The following MYO15B variants were observed in gnomAD, a reference collection of about 807,000 sequenced individuals.
MYO15B encodes myosin XVB pseudogene.
In MYO15B, 207 loss-of-function variants were observed where a neutral mutation model predicts 119.3. The observed-to-expected ratio is 1.73, with a 90% CI of 1.55 to 1.95. The LOEUF is 1.95. Among genes scored for constraint, MYO15B ranks in the 30% most tolerant of loss-of-function variants. The pLI is 0.00. For missense variants in MYO15B, 2,264 were observed against 1,203.1 expected (o/e 1.88, Z -13.04); for synonymous variants, 966 against 498.9 (o/e 1.94, Z -12.48).
In MYO15B at chr17:75,605,857, C is replaced by A; in HGVS notation, c.4135-7C>A. On this transcript the variant is annotated splice_polypyrimidine_tract_variant and splice_region_variant and intron_variant, in intron 20 of 63. Transcript: ENST00000645453. The stretch of plus-strand genomic sequence containing the variant: ...CTCCTGCCTACAGCCCACCCCTCTA[C>A]CCACAGGTCCTGCTGCAGGAGCAGG... 1 of 688,700 alleles carries A rather than the reference C, an allele frequency of 1.5e-6. No individual in the cohort carries two copies. Among genetic ancestry groups the A allele is most frequent in the South Asian group, 1.5e-5 (1 of 66,196 alleles). The allele number at this position is 688,700 out of a possible 1,614,324, so 42.7% of individuals were successfully genotyped here. A position where few individuals can be genotyped will look rare whatever the true frequency, so the allele number is the denominator to read the frequency against.
chr17:75,594,106 A>AG lies in MYO15B; in HGVS notation c.2992-369_2992-368insG, dbSNP rs1555674121. On this transcript the variant is annotated intron_variant, in intron 9 of 63. Transcript: ENST00000645453. ...CCCTGTCTCAAAAAAAAAAAAAAAG[A>AG]AAAAAAAAAATCAAACGAGCAGCTG... 3.4e-4 allele frequency among the ~76,000 whole-genome samples: 11 copies of AG among 32,328 alleles called. 1 individual carries two copies. Among genetic ancestry groups the AG allele is most frequent in the Middle Eastern group, 0.021 (1 of 48 alleles). The allele number at this position is 32,328 out of a possible 152,430, so 21.2% of individuals were successfully genotyped here.
Position 75,610,915 on chromosome 17 carries a change from G to A in MYO15B, c.4402G>A (p.Gly1468Ser), listed in dbSNP as rs770091812. The A allele has an allele frequency of 8.0e-5, 56 of 702,956 alleles. No individual in the cohort carries two copies. The Admixed American group carries it at 1.1e-3, about 14-fold the overall frequency. The allele number at this position is 702,956 out of a possible 1,614,324, so 43.5% of individuals were successfully genotyped here. ...CTTCCAACAGCTTGGGCGTTGGCAG[G>A]GCTGGCATAGCAGCGAAAGGGCCTT... Residue 1468 changes from glycine to serine, a missense_variant, in exon 23 of 64, where the codon GGC becomes AGC. Physicochemically the swap from Gly to Ser is moderately conservative, Grantham distance 56 (BLOSUM62 0). Transcript: ENST00000645453.
intron 20 of MYO15B, 61 bp from the exon 21 acceptor site, chr17:75,605,800 AGAG>A (rs2147899718): frequency 7.7e-6 from 5 of 649,254 alleles, no homozygotes; most frequent in Non-Finnish European, 2.8e-6. Flanking sequence ...GGCTGAGACC[AGAG>A]GAGGAGAGCA....
intron 43 of MYO15B, among the ~76,000 whole-genome samples, chr17:75,618,847 G>A (rs766266332): frequency 6.6e-5 from 10 of 152,160 alleles, no homozygotes; most frequent in African/African-American, 1.9e-4. Flanking sequence ...CCCCTGCCCC[G>A]AACAATCTTG....
In MYO15B at chr17:75,626,392, C is replaced by CCTTT. The variant is rs2059070211; in HGVS notation, c.9214-12_9214-9dup. 1.4e-6 allele frequency: 1 copy of CCTTT among 702,974 alleles called. No individual in the cohort carries two copies. The highest frequency in any genetic ancestry group is 1.7e-5 in the African/African-American group (1 of 57,264). The allele number at this position is 702,974 out of a possible 1,614,324, so 43.5% of individuals were successfully genotyped here. A position where few individuals can be genotyped will look rare whatever the true frequency, so the allele number is the denominator to read the frequency against. On this transcript the variant is annotated splice_polypyrimidine_tract_variant and intron_variant, in intron 63 of 63. Coordinates refer to ENST00000645453, the Ensembl canonical transcript of MYO15B. ...GGCTGGGGAGCCCTCTTGTAACAGG[C>CCTTT]CTTTCTCTGGGCAGGCCCAGGAGCT...
chr17:75,616,132 T>C, exon 37 of MYO15B: 1 of 560,426 alleles, frequency 1.8e-6, no homozygotes. Flanking sequence ...GAAACGGAAC[T>C]ATTTCCAGAG....
At chr17:75,610,682 C>T in intron 22 of MYO15B, 1 of 577,342 alleles carries the variant, frequency 1.7e-6, no homozygotes, top group East Asian at 2.8e-5. Context: ...TTCCTGCCCT[C>T]TTCCCGGTGC....
intron 21 of MYO15B, among the ~76,000 whole-genome samples, chr17:75,609,694 T>TCCTCCCTC (rs562510794): frequency 4.9e-5 from 7 of 142,332 alleles, no homozygotes; most frequent in East Asian, 2.0e-4. Flanking sequence ...CTTCCTTCCT[T>TCCTCCCTC]CCTCCCTCCC....
intron 20 of MYO15B, 108 bp from the exon 21 acceptor site, chr17:75,605,756 C>A (rs2057604123): frequency 3.1e-6 from 2 of 650,928 alleles, no homozygotes; most frequent in South Asian, 1.7e-5. Flanking sequence ...GACGGCAGGG[C>A]CAGAAGAACA....
chr17:75,600,259 C>T (rs1183544903), intron 14 of MYO15B, among the ~76,000 whole-genome samples: 2 of 151,906 alleles, frequency 1.3e-5, no homozygotes, highest in Admixed American at 1.3e-4. Context: ...GATCTCCTGA[C>T]CTCGTGATCC....
chr17:75,589,005 C>T lies in MYO15B; in HGVS notation c.948C>T (p.Gly316=). The stretch of plus-strand genomic sequence containing the variant: ...TGGGGCAGGTGCCAGCGGCGGCAGG[C>T]GAGGGCGAAGCGGGAGCCGCAGCAG... Residue 316 remains glycine, a synonymous_variant, in exon 1 of 64, where the codon GGC becomes GGT. Coordinates refer to ENST00000645453, the Ensembl canonical transcript of MYO15B. This position sits in a 1 kb window ranked among gnomAD's most constrained non-coding sequence, Gnocchi z 4.2. 2.5e-6 allele frequency: 1 copy of T among 397,848 alleles called. No homozygotes were observed. Among genetic ancestry groups the T allele is most frequent in the Non-Finnish European group, 4.4e-6 (1 of 225,528 alleles). 24.6% of individuals were successfully genotyped at this position (397,848 alleles called of 1,614,324 possible).
intron 4 of MYO15B, 66 bp downstream of exon 4, chr17:75,591,312 T>C (rs1251496883): frequency 1.7e-5 from 12 of 689,216 alleles, no homozygotes; most frequent in Non-Finnish European, 2.9e-5. Context: ...GGGCGGGGCC[T>C]GAGGTCTTCA....
exon 3 of MYO15B, chr17:75,591,015 C>G: frequency 1.6e-6 from 1 of 622,052 alleles, no homozygotes; most frequent in Non-Finnish European, 2.9e-6. Context: ...CAGCACCACT[C>G]CGTATGTGAC....
chr17:75,605,451 A>AT (rs1253260720), intron 19 of MYO15B, 53 bp from the exon 20 acceptor site: 88 of 656,302 alleles, frequency 1.3e-4, no homozygotes, highest in African/African-American at 1.3e-3. Flanking sequence ...AAAAAAAAAA[A>AT]AGTGTAAAAG....
chr17:75,623,053 CG>C (rs35840066), intron 53 of MYO15B, among the ~76,000 whole-genome samples: 54,451 of 152,082 alleles, frequency 0.36, 9,886 homozygotes, highest in Middle Eastern at 0.41. Context: ...AAGCAGGGGC[CG>C]GGCGCGGCGG....
chr17:75,593,115 T>G, intron 9 of MYO15B: 1 of 296,118 alleles, frequency 3.4e-6, no homozygotes, highest in Non-Finnish European at 6.2e-6. Context: ...ATCCCAGCAC[T>G]TTGGGAGGCC....
chr17:75,619,668 C>T lies in MYO15B; in HGVS notation c.7183-13C>T, dbSNP rs767207964. 8 of 702,794 alleles carry T rather than the reference C, an allele frequency of 1.1e-5. No homozygotes were observed. Among genetic ancestry groups the T allele is most frequent in the South Asian group, 3.0e-5 (2 of 67,580 alleles). The allele number at this position is 702,794 out of a possible 1,614,324, so 43.5% of individuals were successfully genotyped here. A position where few individuals can be genotyped will look rare whatever the true frequency, so the allele number is the denominator to read the frequency against. ...ACCCAGGAGACTGCCCGAGACCCAC[C>T]ACCTTCCTGTAGGGCGAGAGTGGCA... On this transcript the variant is annotated splice_polypyrimidine_tract_variant and intron_variant, in intron 45 of 63. Coordinates refer to ENST00000645453, the Ensembl canonical transcript of MYO15B.
intron 14 of MYO15B, among the ~76,000 whole-genome samples, chr17:75,597,826 G>A (rs1441289694): frequency 6.6e-6 from 1 of 152,180 alleles, no homozygotes; most frequent in Non-Finnish European, 1.5e-5. Flanking sequence ...TGAGGTGGAT[G>A]GATTGCTTGA....
chr17:75,601,841 C>T (rs2057305605), intron 15 of MYO15B, among the ~76,000 whole-genome samples: 3 of 152,232 alleles, frequency 2.0e-5, no homozygotes, highest in Admixed American at 6.5e-5. Context: ...TTTACTTCGC[C>T]TTCTGAGCCT....
Sources: allele counts gnomAD v4.1 joint callset (sites outside exome capture counted in the v4.1 genomes callset), GRCh38; gene constraint gnomAD v4.1.1; non-coding constraint Gnocchi (gnomAD v3.1); transcripts MANE v1.5; gene names NCBI Gene and HGNC (gene_info 2026-07-23, HGNC 2026-07-21).